Variants in HMGXB4 observed in about 807,000 individuals in gnomAD.
HMGXB4 encodes HMG domain-containing protein 4.
Under a neutral mutation model 63.9 loss-of-function variants are expected in HMGXB4, and 27 were observed. That is an observed-to-expected ratio of 0.42 (90% CI 0.31 to 0.58). The LOEUF (loss-of-function observed/expected upper bound fraction) is 0.58. Ranked by LOEUF, HMGXB4 falls within the 20% of genes least tolerant of loss-of-function variation. HMGXB4 has a pLI of 0.13. For synonymous variants in HMGXB4, 264 were observed against 265.3 expected, an observed-to-expected ratio of 0.99 and a Z score of 0.05; for missense variants, 624 against 700.7, an observed-to-expected ratio of 0.89 and a Z score of 1.24.
chr22:35,258,754 T>G (rs1568992904), intron 1 of HMGXB4, among the ~76,000 whole-genome samples: 1 of 152,240 alleles, frequency 6.6e-6, no homozygotes, highest in Non-Finnish European at 1.5e-5. Flanking sequence ...GATGTGCATC[T>G]TCCTTTACCT....
At chr22:35,248,696 C>T in the HMGXB4 span, among the ~76,000 whole-genome samples, 8 of 152,236 alleles carry the variant, frequency 5.3e-5, no homozygotes, top group South Asian at 1.0e-3. Flanking sequence ...CGGGCCACTA[C>T]ACCCGGCTGG....
At chr22:35,245,738 G>A in the HMGXB4 span, among the ~76,000 whole-genome samples, 9 of 152,282 alleles carry the variant, frequency 5.9e-5, 1 homozygote, top group East Asian at 1.7e-3. Flanking sequence ...ATTACTGCTA[G>A]CTGGGGGTAG....
chr22:35,283,794 A>AAT (rs60002253), intron 5 of HMGXB4, among the ~76,000 whole-genome samples, 168 bp from the exon 6 acceptor site: 73,271 of 150,034 alleles, frequency 0.49, 21,060 homozygotes, highest in Non-Finnish European at 0.64. Flanking sequence ...TATCTCAAAA[A>AAT]ATATATATAT....
chr22:35,279,720 T>G (rs1459013511), intron 5 of HMGXB4, among the ~76,000 whole-genome samples: 1 of 147,474 alleles, frequency 6.8e-6, no homozygotes, highest in African/African-American at 2.5e-5. Flanking sequence ...TATCCAATTG[T>G]CCCAGCATCA....
chr22:35,269,961 G>A (rs558341220), intron 5 of HMGXB4, among the ~76,000 whole-genome samples: 1 of 152,034 alleles, frequency 6.6e-6, no homozygotes, highest in African/African-American at 2.4e-5. Flanking sequence ...CTGGTTGACA[G>A]AGCAAGACCC....
At chr22:35,262,112 T>C in intron 1 of HMGXB4, 1 of 384,126 alleles carries the variant, frequency 2.6e-6, no homozygotes, top group African/African-American at 2.1e-5. Context: ...ATGACAACTT[T>C]AATTCATGAC....
In HMGXB4 at chr22:35,271,889, A is replaced by G. The variant is rs556827086; in HGVS notation, c.1215+6286A>G. On this transcript the variant is annotated intron_variant, in intron 5 of 10. Transcript: ENST00000216106. ...GTGTGTGCTCTAGAGGTAAAAAGCA[A>G]CTACCACATTGAAAACCCACATAAG... Among the ~76,000 whole-genome samples, 5 of 152,348 alleles carry G rather than the reference A, an allele frequency of 3.3e-5. No individual in the cohort carries two copies. In the South Asian group the frequency reaches 6.2e-4, roughly 19 times the overall value.
In HMGXB4 at chr22:35,287,405, CTG is replaced by C; in HGVS notation, c.1424_1425del (p.Val475GlufsTer43). 6.2e-7 allele frequency: 1 copy of C among 1,613,726 alleles called. No homozygotes were observed. Among genetic ancestry groups the C allele is most frequent in the East Asian group, 2.2e-5 (1 of 44,868 alleles). ...AAACAGAACAAAGCAGAAGCCACAA[CTG>C]TGAAAAGGAAAGCATCCAGCTCAGA... On this transcript the variant is annotated frameshift_variant, in exon 8 of 11. Transcript: ENST00000216106. LOFTEE classifies it high-confidence loss of function.
chr22:35,242,429 T>C, the HMGXB4 span, among the ~76,000 whole-genome samples: 3 of 152,198 alleles, frequency 2.0e-5, no homozygotes, highest in Non-Finnish European at 2.9e-5. Context: ...GGTTGTCAAA[T>C]TTATGTGTGT....
intron 5 of HMGXB4, among the ~76,000 whole-genome samples, chr22:35,277,476 G>T (rs950797531): frequency 4.6e-5 from 7 of 152,172 alleles, no homozygotes; most frequent in Admixed American, 4.6e-4. Context: ...AGCCTCCCCA[G>T]TAGCTGGGAC....
In HMGXB4 at chr22:35,257,561, G is replaced by T. The variant is rs946937568; in HGVS notation, c.-69+4G>T. ...GATCCGGGCGAGCCGAGTGAAGGTAGCGGCGAGCGGAGACCCCAGGAGACC... is the reference window on the plus strand; with the variant it reads ...GATCCGGGCGAGCCGAGTGAAGGTATCGGCGAGCGGAGACCCCAGGAGACC... On this transcript the variant is annotated splice_donor_region_variant and intron_variant, in intron 1 of 10. Transcript: ENST00000216106. The T allele has an allele frequency of 1.3e-5, 2 of 152,680 alleles. No homozygotes were observed. Among genetic ancestry groups the T allele is most frequent in the Non-Finnish European group, 2.9e-5 (2 of 68,112 alleles). The allele number at this position is 152,680 out of a possible 1,614,324, so 9.5% of individuals were successfully genotyped here.
chr22:35,273,549 G>A lies in HMGXB4; in HGVS notation c.1215+7946G>A, dbSNP rs187018824. Among the ~76,000 whole-genome samples, 23 of 152,304 alleles carry A rather than the reference G, an allele frequency of 1.5e-4. No individual in the cohort carries two copies. In the East Asian group the frequency reaches 3.1e-3, roughly 20 times the overall value. On this transcript the variant is annotated intron_variant, in intron 5 of 10. Coordinates refer to ENST00000216106, the MANE Select transcript of HMGXB4 (RefSeq NM_001003681.3). ...AGCTGTTACAGTTACTTTCGCTTACGTCTTAAGTTCTTCAAAAGCACAAAA... is the reference window on the plus strand; with the variant it reads ...AGCTGTTACAGTTACTTTCGCTTACATCTTAAGTTCTTCAAAAGCACAAAA...
intron 5 of HMGXB4, among the ~76,000 whole-genome samples, chr22:35,274,539 C>G (rs1042532782): frequency 3.3e-5 from 5 of 152,176 alleles, no homozygotes; most frequent in Non-Finnish European, 5.9e-5. Flanking sequence ...ACTGAATTTT[C>G]ACAAGAACCC....
chr22:35,273,940 AG>A (rs2146418489), intron 5 of HMGXB4, among the ~76,000 whole-genome samples: 1 of 152,366 alleles, frequency 6.6e-6, no homozygotes, highest in South Asian at 2.1e-4. Flanking sequence ...AAATCAGATG[AG>A]GTGCCACACA....
intron 2 of HMGXB4, chr22:35,262,877 T>G: frequency 1.7e-6 from 1 of 600,922 alleles, no homozygotes; most frequent in East Asian, 2.9e-5. Context: ...CATTGTTTCT[T>G]CAGGTTTGAT....
At chr22:35,260,102 C>T (rs186230685) in intron 1 of HMGXB4, among the ~76,000 whole-genome samples, 11 of 152,256 alleles carry the variant, frequency 7.2e-5, no homozygotes, top group Admixed American at 2.0e-4. Context: ...TTGATGTTAC[C>T]AAAGGGAAGG....
At chr22:35,251,807 A>T in the HMGXB4 span, among the ~76,000 whole-genome samples, 1 of 152,216 alleles carries the variant, frequency 6.6e-6, no homozygotes, top group Non-Finnish European at 1.5e-5. Flanking sequence ...CCATCATCAA[A>T]ATCAAGGTAA....
the HMGXB4 span, among the ~76,000 whole-genome samples, chr22:35,244,130 C>G: frequency 1.5e-3 from 228 of 152,166 alleles, no homozygotes; most frequent in African/African-American, 4.9e-3. Flanking sequence ...GCAATTATTT[C>G]TTCATATACT....
chr22:35,259,679 C>T (rs577139022), intron 1 of HMGXB4, among the ~76,000 whole-genome samples: 1 of 152,306 alleles, frequency 6.6e-6, no homozygotes, highest in East Asian at 1.9e-4. Flanking sequence ...AAATTCAGGG[C>T]CCATCGGTCT....
Sources: allele counts gnomAD v4.1 joint callset (sites outside exome capture counted in the v4.1 genomes callset), GRCh38; gene constraint gnomAD v4.1.1; transcripts MANE v1.5; gene names NCBI Gene and HGNC (gene_info 2026-07-23, HGNC 2026-07-21).